SGCZ: variants seen among roughly 807,000 people sequenced by gnomAD.
The protein encoded by SGCZ is sarcoglycan zeta.
SGCZ carries 40 observed loss-of-function variants against 41.3 expected under a neutral mutation model. The ratio of observed to expected loss-of-function variants is 0.97; its 90% CI spans 0.75 to 1.26. The LOEUF (loss-of-function observed/expected upper bound fraction) is 1.26. Ranked by LOEUF, SGCZ falls within the 50% of genes most tolerant of loss-of-function variation. The pLI, the probability that SGCZ is intolerant of heterozygous loss-of-function variation, is 0.00. For missense variants in SGCZ, 552 were observed against 369.8 expected, an observed-to-expected ratio of 1.49 and a Z score of -4.04; for synonymous variants, 206 against 137.5, an observed-to-expected ratio of 1.50 and a Z score of -3.49.
At chr8:14,220,686 C>T (rs1336815624) in intron 4 of SGCZ, among the ~76,000 whole-genome samples, 1 of 152,026 alleles carries the variant, frequency 6.6e-6, no homozygotes, top group Admixed American at 6.6e-5. Flanking sequence ...ACTCGGGAGG[C>T]TGAGGTAGGA....
intron 1 of SGCZ, among the ~76,000 whole-genome samples, chr8:14,565,795 T>C (rs1029778343): frequency 6.6e-6 from 1 of 152,096 alleles, no homozygotes; most frequent in Non-Finnish European, 1.5e-5. Context: ...AGAAAAAAGA[T>C]AATAGAGGAT....
intron 1 of SGCZ, among the ~76,000 whole-genome samples, chr8:14,672,649 G>C (rs888881793): frequency 2.0e-5 from 3 of 152,098 alleles, no homozygotes; most frequent in Non-Finnish European, 4.4e-5. Flanking sequence ...CTTTTTGGAG[G>C]AAACAGTGTT....
intron 1 of SGCZ, among the ~76,000 whole-genome samples, chr8:14,588,246 G>C (rs944896414): frequency 9.3e-5 from 14 of 150,806 alleles, no homozygotes; most frequent in African/African-American, 2.4e-4. Context: ...GTCCCAGTCT[G>C]TCTTTAAAGG....
intron 1 of SGCZ, 51 bp from the exon 2 acceptor site, chr8:14,554,977 T>G (rs1803990089): frequency 2.1e-6 from 3 of 1,455,940 alleles, no homozygotes; most frequent in Non-Finnish European, 2.8e-6. Flanking sequence ...AAAGAAGCAT[T>G]AAAAAAAATA....
At chr8:15,237,434 G>T (rs185797380) in intron 1 of SGCZ, 151 bp downstream of exon 1, 8 of 906,988 alleles carry the variant, frequency 8.8e-6, no homozygotes, top group African/African-American at 8.3e-5. Context: ...CAGCAGGGGC[G>T]CCTGCGCCCG....
intron 5 of SGCZ, among the ~76,000 whole-genome samples, chr8:14,129,958 C>A (rs1802988109): frequency 6.6e-6 from 1 of 152,132 alleles, no homozygotes; most frequent in Non-Finnish European, 1.5e-5. Flanking sequence ...AAAATCACAA[C>A]AGCCATTTTG....
At chr8:15,070,729 C>T (rs891885666) in intron 1 of SGCZ, among the ~76,000 whole-genome samples, 1 of 152,180 alleles carries the variant, frequency 6.6e-6, no homozygotes, top group African/African-American at 2.4e-5. Context: ...TTACAGTTAA[C>T]TTCTTTTAAC....
At chr8:15,108,759 A>AGAG (rs879589196) in intron 1 of SGCZ, among the ~76,000 whole-genome samples, 2 of 152,186 alleles carry the variant, frequency 1.3e-5, no homozygotes, top group Non-Finnish European at 2.9e-5. Flanking sequence ...ATGTATTGTA[A>AGAG]GAGGCTCTGC....
In SGCZ at chr8:14,710,318, G is replaced by A. The variant is rs1020379353; in HGVS notation, c.40-155392C>T. On this transcript the variant is annotated intron_variant, in intron 1 of 7. Coordinates refer to ENST00000382080, the MANE Select transcript of SGCZ (RefSeq NM_139167.4). ...CCGGCAGGCAGAGCTTGCAGTGAGC[G>A]GAGATCGCGCCACTGCACTCCAGCC... Among the ~76,000 whole-genome samples the A allele has an allele frequency of 5.4e-5, 8 of 149,226 alleles. No individual in the cohort carries two copies. The South Asian group carries it at 6.3e-4, about 12-fold the overall frequency.
rs376649419 is a variant in SGCZ at position 15,193,387 on chromosome 8, G to T, written c.39+44198C>A. Among the ~76,000 whole-genome samples the T allele has an allele frequency of 4.6e-5, 7 of 151,962 alleles. No individual in the cohort carries two copies. In the East Asian group the frequency reaches 1.2e-3, roughly 25 times the overall value. ...CACACGTTGAATTATTGACAAATTT[G>T]GACTATTTATTTTAATATCCTTTGA... is the stretch of plus-strand genomic sequence containing the variant. On this transcript the variant is annotated intron_variant, in intron 1 of 7. Coordinates refer to ENST00000382080, the MANE Select transcript of SGCZ (RefSeq NM_139167.4).
At chr8:14,957,534 T>C (rs542301689) in intron 1 of SGCZ, among the ~76,000 whole-genome samples, 1 of 152,156 alleles carries the variant, frequency 6.6e-6, no homozygotes, top group Admixed American at 6.5e-5. Context: ...AAACCTGAAT[T>C]TTACAAATCA....
At chr8:14,528,890 A>C (rs1005712492) in intron 2 of SGCZ, among the ~76,000 whole-genome samples, 4 of 151,926 alleles carry the variant, frequency 2.6e-5, no homozygotes, top group Admixed American at 2.0e-4. Flanking sequence ...TTTATAAAAG[A>C]AGCATTTTTT....
chr8:14,230,358 G>A (rs1563199370), intron 4 of SGCZ, among the ~76,000 whole-genome samples: 1 of 152,008 alleles, frequency 6.6e-6, no homozygotes, highest in Non-Finnish European at 1.5e-5. Flanking sequence ...TATACATAAT[G>A]CATACTATGC....
intron 2 of SGCZ, among the ~76,000 whole-genome samples, chr8:14,500,278 T>C (rs914274052): frequency 6.6e-6 from 1 of 152,074 alleles, no homozygotes; most frequent in Admixed American, 6.6e-5. Flanking sequence ...CTGCTTTTGT[T>C]GTTGTTGTTA....
At chr8:15,125,253 T>C (rs564976616) in intron 1 of SGCZ, among the ~76,000 whole-genome samples, 1 of 152,300 alleles carries the variant, frequency 6.6e-6, no homozygotes, top group East Asian at 1.9e-4. Context: ...AATTGCTATA[T>C]TTTTTGTTAC....
chr8:14,225,511 C>T (rs554353323), intron 4 of SGCZ, among the ~76,000 whole-genome samples: 146 of 152,124 alleles, frequency 9.6e-4, no homozygotes, highest in Non-Finnish European at 1.4e-3. Context: ...TAGAAATCAA[C>T]ATGATAGTCA....
intron 2 of SGCZ, among the ~76,000 whole-genome samples, chr8:14,395,162 G>C (rs1452039417): frequency 1.3e-5 from 2 of 152,114 alleles, no homozygotes; most frequent in African/African-American, 4.8e-5. Flanking sequence ...TCATCATCTA[G>C]ATAATATCTC....
chr8:14,252,134 C>G (rs1585281990), intron 3 of SGCZ, among the ~76,000 whole-genome samples: 1 of 152,256 alleles, frequency 6.6e-6, no homozygotes, highest in East Asian at 1.9e-4. Context: ...TATCTTCCTT[C>G]ATTCTGCCTT....
intron 3 of SGCZ, among the ~76,000 whole-genome samples, chr8:14,281,793 C>T (rs1298925598): frequency 6.6e-6 from 1 of 151,974 alleles, no homozygotes; most frequent in African/African-American, 2.4e-5. Flanking sequence ...AATATAAGTA[C>T]ACTTCTAAGA....
Sources: allele counts gnomAD v4.1 joint callset (sites outside exome capture counted in the v4.1 genomes callset), GRCh38; gene constraint gnomAD v4.1.1; transcripts MANE v1.5; gene names NCBI Gene and HGNC (gene_info 2026-07-23, HGNC 2026-07-21).